GRIK2: variants seen among roughly 807,000 people sequenced by gnomAD.
GRIK2 encodes glutamate receptor ionotropic, kainate 2.
A neutral mutation model predicts 100.3 loss-of-function variants in GRIK2; 32 were observed. That is an observed-to-expected ratio of 0.32 (90% CI 0.24 to 0.43). The LOEUF is 0.43. Ranked by LOEUF, GRIK2 falls within the 20% of genes least tolerant of loss-of-function variation. The pLI is 1.00. For synonymous variants in GRIK2, 417 were observed against 389.4 expected (o/e 1.07, Z -0.83); for missense variants, 843 against 1,114.9 (o/e 0.76, Z 3.47).
intron 7 of GRIK2, among the ~76,000 whole-genome samples, chr6:101,751,581 C>T (rs1256850371): frequency 6.6e-6 from 1 of 152,030 alleles, no homozygotes; most frequent in African/African-American, 2.4e-5. Flanking sequence ...ATCTAATTTC[C>T]AATTGCCTTA....
Position 101,623,283 on chromosome 6 carries a change from G to A in GRIK2, c.283+1167G>A, listed in dbSNP as rs565037118. 1.2e-3 allele frequency among the ~76,000 whole-genome samples: 183 copies of A among 152,074 alleles called. 1 individual carries two copies. Among genetic ancestry groups the A allele is most frequent in the African/African-American group, 3.9e-3 (163 of 41,522 alleles). On this transcript the variant is annotated intron_variant, in intron 3 of 16. Transcript: ENST00000369134. Reference sequence around the variant, plus strand: ...GTAGTGTTTATCAAAGCCATACTTTGCATGCCCTTTGAATTCATATCTTTA... The same window carrying A: ...GTAGTGTTTATCAAAGCCATACTTTACATGCCCTTTGAATTCATATCTTTA...
At chr6:101,806,046 G>A (rs1780985274) in intron 9 of GRIK2, among the ~76,000 whole-genome samples, 1 of 151,850 alleles carries the variant, frequency 6.6e-6, no homozygotes. Context: ...AATTCACTGT[G>A]GTCCCAAAAA....
intron 10 of GRIK2, among the ~76,000 whole-genome samples, chr6:101,822,077 A>G (rs928393933): frequency 7.2e-6 from 1 of 138,352 alleles, no homozygotes; most frequent in Non-Finnish European, 1.7e-5. Context: ...AATTTTATTC[A>G]TTATTTTATT....
intron 4 of GRIK2, among the ~76,000 whole-genome samples, chr6:101,655,326 ATTC>A (rs1268340376): frequency 6.6e-6 from 1 of 152,144 alleles, no homozygotes; most frequent in Non-Finnish European, 1.5e-5. Flanking sequence ...AAATGGCTAA[ATTC>A]TTCTTAAGGC....
At chr6:101,854,918 AAAT>A (rs1320632577) in intron 10 of GRIK2, among the ~76,000 whole-genome samples, 1 of 152,160 alleles carries the variant, frequency 6.6e-6, no homozygotes. Context: ...GTGAGAAAAT[AAAT>A]AATGAGATAG....
In GRIK2 at chr6:101,528,562, C is replaced by T. The variant is rs111531717; in HGVS notation, c.116-93387C>T. Among the ~76,000 whole-genome samples the T allele has an allele frequency of 6.6e-5, 10 of 152,182 alleles. 1 individual carries two copies. The highest frequency in any genetic ancestry group is 2.4e-4 in the African/African-American group (10 of 41,522). On this transcript the variant is annotated intron_variant, in intron 2 of 16. Coordinates refer to ENST00000369134, the MANE Select transcript of GRIK2 (RefSeq NM_021956.5). ...TGTTCCTGAGCCAAACCTGACTCTACCATAGAATGACAAGCATCCATAAGG... is the reference window on the plus strand; with the variant it reads ...TGTTCCTGAGCCAAACCTGACTCTATCATAGAATGACAAGCATCCATAAGG...
At chr6:101,899,300 A>G (rs1366964765) in intron 12 of GRIK2, among the ~76,000 whole-genome samples, 1 of 151,908 alleles carries the variant, frequency 6.6e-6, no homozygotes, top group Non-Finnish European at 1.5e-5. Context: ...AAAGCTGACT[A>G]TGAAAATATA....
intron 7 of GRIK2, among the ~76,000 whole-genome samples, chr6:101,768,310 T>C (rs1199092122): frequency 6.6e-6 from 1 of 152,226 alleles, no homozygotes; most frequent in Non-Finnish European, 1.5e-5. Context: ...TTTTTCCTTT[T>C]TTGTTCCATG....
intron 4 of GRIK2, among the ~76,000 whole-genome samples, chr6:101,627,104 CGT>C (rs200542478): frequency 9.4e-4 from 133 of 141,470 alleles, no homozygotes; most frequent in Middle Eastern, 3.5e-3. Context: ...TGTGTGTGTG[CGT>C]GTGTGTGTCT....
chr6:101,789,859 A>G (rs923614519), intron 7 of GRIK2, among the ~76,000 whole-genome samples: 11 of 152,076 alleles, frequency 7.2e-5, no homozygotes, highest in South Asian at 2.1e-4. Context: ...TCTTCCATTT[A>G]TTTGTATCCT....
At chr6:101,851,032 G>T (rs1784100527) in intron 10 of GRIK2, among the ~76,000 whole-genome samples, 1 of 152,052 alleles carries the variant, frequency 6.6e-6, no homozygotes, top group Non-Finnish European at 1.5e-5. Context: ...ATCAAAGCAA[G>T]AAAACTGCAT....
intron 10 of GRIK2, among the ~76,000 whole-genome samples, chr6:101,831,246 A>G (rs1016729154): frequency 1.3e-5 from 2 of 152,116 alleles, no homozygotes; most frequent in African/African-American, 2.4e-5. Flanking sequence ...TTTCCAGACA[A>G]TAAAACATAT....
At chr6:101,874,540 A>C (rs1011204504) in intron 11 of GRIK2, among the ~76,000 whole-genome samples, 1 of 152,138 alleles carries the variant, frequency 6.6e-6, no homozygotes, top group South Asian at 2.1e-4. Context: ...TGATGCCTCC[A>C]GCTTTGTTCT....
chr6:101,642,615 G>T (rs1447689482), intron 4 of GRIK2, among the ~76,000 whole-genome samples: 1 of 151,674 alleles, frequency 6.6e-6, no homozygotes, highest in Non-Finnish European at 1.5e-5. Context: ...TTGTATGTAT[G>T]TGTCACATAT....
intron 2 of GRIK2, among the ~76,000 whole-genome samples, chr6:101,425,417 C>A (rs1776650978): frequency 6.6e-6 from 1 of 151,984 alleles, no homozygotes; most frequent in Non-Finnish European, 1.5e-5. Context: ...TATATAATTT[C>A]TATAATTATA....
chr6:102,013,434 A>G (rs1795655389), intron 14 of GRIK2, among the ~76,000 whole-genome samples: 1 of 151,950 alleles, frequency 6.6e-6, no homozygotes, highest in African/African-American at 2.4e-5. Context: ...TTTTTTTCTC[A>G]TGCCACATTG....
intron 14 of GRIK2, among the ~76,000 whole-genome samples, chr6:101,964,152 C>A (rs73763603): frequency 0.014 from 2,142 of 150,348 alleles, 53 homozygotes; most frequent in African/African-American, 0.049. Flanking sequence ...AATTATATTT[C>A]ATTAATGTAT....
intron 14 of GRIK2, among the ~76,000 whole-genome samples, chr6:101,975,992 GA>G (rs1349280545): frequency 6.6e-6 from 1 of 151,984 alleles, no homozygotes; most frequent in East Asian, 1.9e-4. Context: ...GAAAATTGAA[GA>G]GGATGATATA....
At chr6:101,460,311 AG>A (rs1258358448) in intron 2 of GRIK2, among the ~76,000 whole-genome samples, 2 of 152,226 alleles carry the variant, frequency 1.3e-5, no homozygotes, top group African/African-American at 2.4e-5. Flanking sequence ...AAGGAGAAAA[AG>A]TATCCCTCTA....
Sources: allele counts gnomAD v4.1 joint callset (sites outside exome capture counted in the v4.1 genomes callset), GRCh38; gene constraint gnomAD v4.1.1; transcripts MANE v1.5; gene names NCBI Gene and HGNC (gene_info 2026-07-23, HGNC 2026-07-21).